Variants in GALNTL6 observed in about 807,000 individuals in gnomAD.
The protein encoded by GALNTL6 is polypeptide N-acetylgalactosaminyltransferase like 6.
GALNTL6 carries 46 observed loss-of-function variants against 73.7 expected under a neutral mutation model. The observed-to-expected ratio is 0.62, with a 90% CI of 0.49 to 0.80. The LOEUF (loss-of-function observed/expected upper bound fraction) is 0.80. GALNTL6 is among the 30% of genes least tolerant of loss of function. The pLI, the probability that GALNTL6 is intolerant of heterozygous loss-of-function variation, is 0.00. For missense variants in GALNTL6, 604 were observed against 755.0 expected (o/e 0.80, Z 2.34); for synonymous variants, 259 against 263.7 (o/e 0.98, Z 0.17).
At chr4:173,036,221 C>T (rs989321208) in intron 12 of GALNTL6, among the ~76,000 whole-genome samples, 1 of 151,832 alleles carries the variant, frequency 6.6e-6, no homozygotes, top group Non-Finnish European at 1.5e-5. Flanking sequence ...CTTGGAATCA[C>T]CTTCCTATAT....
intron 2 of GALNTL6, among the ~76,000 whole-genome samples, chr4:171,970,783 C>T (rs1412375409): frequency 6.6e-6 from 1 of 152,084 alleles, no homozygotes; most frequent in Non-Finnish European, 1.5e-5. Flanking sequence ...TAACCATTGG[C>T]TTTAAAAAAG....
At chr4:172,293,842 T>A (rs1044245001) in intron 3 of GALNTL6, among the ~76,000 whole-genome samples, 2 of 151,566 alleles carry the variant, frequency 1.3e-5, no homozygotes, top group East Asian at 1.9e-4. Flanking sequence ...ACTTTTTTTT[T>A]AAATTGAAAA....
chr4:172,311,371 T>C (rs1189290886), intron 3 of GALNTL6, among the ~76,000 whole-genome samples: 1 of 152,194 alleles, frequency 6.6e-6, no homozygotes, highest in African/African-American at 2.4e-5. Flanking sequence ...ACACTAAAAA[T>C]CTTGGCAGTG....
At position 172,709,029 on chromosome 4, in the gene GALNTL6, A is replaced by C. The variant is rs148367051; in HGVS notation, c.554-100332A>C. The stretch of plus-strand genomic sequence containing the variant: ...AAAACAATTTTTTCTATATTGTTCT[A>C]TTGGCTTCTATTATTTATGTCCCTA... On this transcript the variant is annotated intron_variant, in intron 5 of 12. Coordinates refer to ENST00000506823, the MANE Select transcript of GALNTL6 (RefSeq NM_001034845.3). Among the ~76,000 whole-genome samples the C allele has an allele frequency of 1.7e-3, 263 of 152,224 alleles. 1 individual carries two copies. Among genetic ancestry groups the C allele is most frequent in the African/African-American group, 6.2e-3 (256 of 41,542 alleles).
At chr4:172,299,950 C>G (rs1002967132) in intron 3 of GALNTL6, among the ~76,000 whole-genome samples, 1 of 152,090 alleles carries the variant, frequency 6.6e-6, no homozygotes, top group African/African-American at 2.4e-5. Context: ...GTTGATCTGT[C>G]TAATGTTGAC....
At chr4:172,959,441 G>A (rs533853977) in intron 10 of GALNTL6, among the ~76,000 whole-genome samples, 75 of 152,236 alleles carry the variant, frequency 4.9e-4, no homozygotes, top group African/African-American at 1.7e-3. Context: ...AGGTTTAGAA[G>A]CCTGGCCGTC....
chr4:172,767,674 T>C (rs1246820802), intron 5 of GALNTL6, among the ~76,000 whole-genome samples: 3 of 147,480 alleles, frequency 2.0e-5, no homozygotes, highest in Non-Finnish European at 4.5e-5. Context: ...TTTCTTTTTT[T>C]TTTTTTTTTT....
chr4:172,192,274 C>G (rs1735611381), intron 2 of GALNTL6, among the ~76,000 whole-genome samples: 1 of 151,816 alleles, frequency 6.6e-6, no homozygotes, highest in South Asian at 2.1e-4. Flanking sequence ...AAAACTGTAT[C>G]CAATGGTTTC....
At chr4:172,275,555 A>G (rs1172247425) in intron 3 of GALNTL6, among the ~76,000 whole-genome samples, 1 of 152,240 alleles carries the variant, frequency 6.6e-6, no homozygotes, top group Non-Finnish European at 1.5e-5. Flanking sequence ...AAAGCATTAA[A>G]GCTGCCATCT....
intron 2 of GALNTL6, among the ~76,000 whole-genome samples, chr4:171,910,969 T>C (rs1309383052): frequency 1.3e-5 from 2 of 152,168 alleles, no homozygotes; most frequent in Non-Finnish European, 2.9e-5. Flanking sequence ...GTTCTTTAGT[T>C]ATTGATATTC....
chr4:172,917,783 G>A (rs369755214), intron 8 of GALNTL6, among the ~76,000 whole-genome samples: 15 of 152,244 alleles, frequency 9.9e-5, no homozygotes, highest in East Asian at 9.7e-4. Context: ...AAATAGGAAC[G>A]CTTTTACACT....
At chr4:172,985,362 C>G (rs1000189287) in intron 10 of GALNTL6, among the ~76,000 whole-genome samples, 3 of 150,738 alleles carry the variant, frequency 2.0e-5, no homozygotes, top group Non-Finnish European at 4.4e-5. Flanking sequence ...TCATTGTGAC[C>G]CCTCACATTC....
At chr4:172,700,379 A>T (rs1318548772) in intron 5 of GALNTL6, among the ~76,000 whole-genome samples, 1 of 152,190 alleles carries the variant, frequency 6.6e-6, no homozygotes, top group Non-Finnish European at 1.5e-5. Context: ...GATAATGATA[A>T]AAGAAAGGGA....
chr4:172,450,231 C>A lies in GALNTL6; in HGVS notation c.553+101542C>A, dbSNP rs201293416. 5.2e-3 allele frequency among the ~76,000 whole-genome samples: 670 copies of A among 130,032 alleles called. 5 individuals are homozygous for A. The highest frequency in any genetic ancestry group is 0.016 in the African/African-American group (572 of 35,158). The allele number at this position is 130,032 out of a possible 152,430, so 85.3% of individuals were successfully genotyped here. A position where few individuals can be genotyped will look rare whatever the true frequency, so the allele number is the denominator to read the frequency against. ...AAACTCCATTAAAAAAAAAAAAAAA[C>A]AAACAAACTTCCTCCCCCTAAACTG... On this transcript the variant is annotated intron_variant, in intron 5 of 12. Transcript: ENST00000506823.
chr4:172,605,428 T>C (rs947084781), intron 5 of GALNTL6, among the ~76,000 whole-genome samples: 1 of 151,994 alleles, frequency 6.6e-6, no homozygotes, highest in Non-Finnish European at 1.5e-5. Context: ...ATGGGGGAGA[T>C]AGACATGGGG....
At chr4:172,811,388 T>C (rs1420371544) in intron 6 of GALNTL6, among the ~76,000 whole-genome samples, 1 of 152,230 alleles carries the variant, frequency 6.6e-6, no homozygotes, top group Non-Finnish European at 1.5e-5. Context: ...TTGGGACTCC[T>C]TGATGGTCAA....
intron 2 of GALNTL6, chr4:172,052,495 T>G: frequency 6.5e-7 from 1 of 1,535,212 alleles, no homozygotes; most frequent in Non-Finnish European, 8.7e-7. Context: ...ATCCAAGCAT[T>G]AGTGCAGACC....
At chr4:171,887,425 T>C (rs939692665) in intron 2 of GALNTL6, among the ~76,000 whole-genome samples, 2 of 152,176 alleles carry the variant, frequency 1.3e-5, no homozygotes, top group African/African-American at 2.4e-5. Context: ...AAAGATCACC[T>C]TGGAAGCAGA....
intron 2 of GALNTL6, among the ~76,000 whole-genome samples, chr4:172,213,192 A>C (rs1736389120): frequency 6.6e-6 from 1 of 152,176 alleles, no homozygotes; most frequent in Non-Finnish European, 1.5e-5. Flanking sequence ...CTTGCTATTG[A>C]AGGACATCTT....
Sources: gnomAD v4.1 joint callset for allele counts (sites outside exome capture counted in the v4.1 genomes callset) on GRCh38, gnomAD v4.1.1 for gene constraint, MANE v1.5 for transcripts, NCBI Gene and HGNC (gene_info 2026-07-23, HGNC 2026-07-21) for gene names.